The following SAMD9 variants were observed in gnomAD, a reference collection of about 807,000 sequenced individuals.
The protein encoded by SAMD9 is sterile alpha motif domain containing 9.
In SAMD9, 3 loss-of-function variants were observed where a neutral mutation model predicts 1.5. The observed-to-expected ratio is 2.05, with a 90% CI of 0.93 to 5.29. The LOEUF (loss-of-function observed/expected upper bound fraction) is 5.29, where lower values mean the gene tolerates loss of function less well. Among genes scored for constraint, SAMD9 ranks in the 30% most tolerant of loss-of-function variants. The pLI, the probability that SAMD9 is intolerant of heterozygous loss-of-function variation, is 0.02. For missense variants in SAMD9, 1,597 were observed against 1,820.8 expected (o/e 0.88, Z 2.24); for synonymous variants, 635 against 631.9 (o/e 1.00, Z -0.07).
At chr7:93,117,425 G>A (rs1463092679) in intron 1 of SAMD9, among the ~76,000 whole-genome samples, 2 of 151,984 alleles carry the variant, frequency 1.3e-5, no homozygotes, top group Middle Eastern at 3.4e-3. Flanking sequence ...CTGCAGCTGC[G>A]TGCCACCACA....
chr7:93,102,237 A>C lies in SAMD9; in HGVS notation c.3861T>G (p.Asn1287Lys). 6.2e-7 allele frequency: 1 copy of C among 1,613,702 alleles called. No individual in the cohort carries two copies. Among genetic ancestry groups the C allele is most frequent in the South Asian group, 1.1e-5 (1 of 91,072 alleles). ...LLKPRNNIKQ[N>K]EEAKTRRKVA... is the part of the protein sequence containing the mutation. ...CCTTTCTCCGAGTTTTGGCCTCTTC[A>C]TTTTGCTTAATATTGTTCCTGGGTT... The change falls in exon 3 of 3, where the codon AAT becomes AAG. Residue 1287 changes from asparagine to lysine, a missense_variant. By Grantham distance (94) the Asn-to-Lys change is moderately conservative (BLOSUM62 0). This residue lies in a region of SAMD9 where 682 missense variants were observed against 810.0 expected (regional missense o/e 0.84). Transcript: ENST00000379958.
chr7:93,102,699 C>T lies in SAMD9; in HGVS notation c.3399G>A (p.Trp1133Ter), dbSNP rs761188861. 3 of 1,613,904 alleles carry T rather than the reference C, an allele frequency of 1.9e-6. No homozygotes were observed. The highest frequency in any genetic ancestry group is 2.5e-6 in the Non-Finnish European group (3 of 1,179,800). ...LGQVYKSKIR[W>*]WIEENGGNGN... ...CGTTTCCTCCGTTTTCCTCTATCCA[C>T]CATCTTATTTTACTTTTGTAGACTT... Residue 1133 changes from tryptophan to a stop codon, truncating the protein, a stop_gained, in exon 3 of 3, where the codon TGG (tryptophan) becomes TGA (stop). Transcript: ENST00000379958. LOFTEE classifies it low-confidence loss of function (END_TRUNC).
intron 2 of SAMD9, among the ~76,000 whole-genome samples, chr7:93,111,491 C>T (rs907818942): frequency 2.0e-5 from 3 of 151,926 alleles, no homozygotes; most frequent in Non-Finnish European, 4.4e-5. Flanking sequence ...ACACAAAAAA[C>T]CCTTCAAAAA....
At chr7:93,106,478 T>C (rs1791648848) in intron 2 of SAMD9, among the ~76,000 whole-genome samples, 1 of 152,108 alleles carries the variant, frequency 6.6e-6, no homozygotes, top group South Asian at 2.1e-4. Context: ...TCAATTCTGC[T>C]ATAGAAAATA....
intron 2 of SAMD9, 109 bp from the exon 3 acceptor site, chr7:93,106,214 A>G (rs1471258615): frequency 3.2e-6 from 2 of 629,590 alleles, no homozygotes; most frequent in South Asian, 7.0e-5. Context: ...GCTCAAAAGG[A>G]TATGCCAATG....
rs762386627 is a variant in SAMD9 at position 93,103,838 on chromosome 7, G to A, written c.2260C>T (p.Leu754=). The A allele has an allele frequency of 2.2e-5, 35 of 1,613,788 alleles. No homozygotes were observed. Among genetic ancestry groups the A allele is most frequent in the Non-Finnish European group, 2.8e-5 (33 of 1,179,858 alleles). Residue 754 remains leucine, a synonymous_variant, in exon 3 of 3, where the codon CTA becomes TTA. Transcript: ENST00000379958. The stretch of plus-strand genomic sequence containing the variant: ...ACAGCACATCTGAATTTCTTCCTTA[G>A]TTCCCAGAGAATGTGCATAGCCAAG... ...TTLAMHILWE[L]RKKFRCAVLK...
chr7:93,102,480 G>A lies in SAMD9; in HGVS notation c.3618C>T (p.Tyr1206=). 6.2e-7 allele frequency: 1 copy of A among 1,613,690 alleles called. No individual in the cohort carries two copies. Among genetic ancestry groups the A allele is most frequent in the South Asian group, 1.1e-5 (1 of 91,072 alleles). The change falls in exon 3 of 3, where the codon TAC becomes TAT. Residue 1206 remains tyrosine, a synonymous_variant. Coordinates refer to ENST00000379958, the MANE Select transcript of SAMD9 (RefSeq NM_017654.4). ...GAATGAGCTGGAGAATTTGGATTGT[G>A]TAAAGCCCAACTTCTATCTCTCCTT... ...GYQGEIEVGL[Y]TIQILQLIPF...
Position 93,111,835 on chromosome 7 carries a change from A to G in SAMD9, c.-9+2960T>C, listed in dbSNP as rs574533859. 5.9e-5 allele frequency among the ~76,000 whole-genome samples: 9 copies of G among 152,304 alleles called. No individual in the cohort carries two copies. The South Asian group carries it at 1.9e-3, about 32-fold the overall frequency. On this transcript the variant is annotated intron_variant, in intron 2 of 2. Transcript: ENST00000379958. The stretch of plus-strand genomic sequence containing the variant: ...CAATTAATAGCCTACCAACCAAAAA[A>G]AGTCCAGGACCAGATGGATTCACAG...
chr7:93,101,437 G>A lies in SAMD9; in HGVS notation c.4661C>T (p.Thr1554Ile). The change falls in exon 3 of 3, where the codon ACT becomes ATT. Residue 1554 changes from threonine (T) to isoleucine (I), a missense_variant. Physicochemically the swap from Thr to Ile is moderately conservative, Grantham distance 89 (BLOSUM62 -1). This residue lies in a region of SAMD9 where 682 missense variants were observed against 810.0 expected (regional missense o/e 0.84). Coordinates refer to ENST00000379958, the MANE Select transcript of SAMD9 (RefSeq NM_017654.4). ...TCTAAGTTGACCTAAAAAAGCGGGA[G>A]TGATGGGTATTGTGATTTTTTCATT... is the stretch of plus-strand genomic sequence containing the variant. ...GINEKITIPI[T>I]PAFLGQLRSG... 2.5e-6 allele frequency: 4 copies of A among 1,613,720 alleles called. No homozygotes were observed. Among genetic ancestry groups the A allele is most frequent in the Non-Finnish European group, 3.4e-6 (4 of 1,179,662 alleles).
rs2116413889 is a variant in SAMD9 at position 93,102,354 on chromosome 7, T to A, written c.3744A>T (p.Leu1248Phe). Residue 1248 changes from leucine to phenylalanine, a missense_variant, in exon 3 of 3, where the codon TTA (leucine) becomes TTT (phenylalanine). Leu to Phe is a conservative substitution (Grantham distance 22). This residue lies in a region of SAMD9 where 682 missense variants were observed against 810.0 expected (regional missense o/e 0.84). Transcript: ENST00000379958. ...IPGDPNNEYK[L>F]ALKNYIPYLT... ...AATAAGGAATATAGTTTTTGAGGGC[T>A]AATTTATATTCATTGTTTGGATCCC... 1 of 1,608,374 alleles carries A rather than the reference T, an allele frequency of 6.2e-7. No individual in the cohort carries two copies. The highest frequency in any genetic ancestry group is 8.5e-7 in the Non-Finnish European group (1 of 1,175,328).
intron 2 of SAMD9, among the ~76,000 whole-genome samples, chr7:93,108,258 C>T (rs1000155477): frequency 2.0e-4 from 31 of 152,158 alleles, no homozygotes; most frequent in African/African-American, 2.9e-4. Context: ...TACCTTCAGC[C>T]GTCCTCCCTT....
chr7:93,112,484 A>C (rs546011171), intron 2 of SAMD9, among the ~76,000 whole-genome samples: 1 of 152,292 alleles, frequency 6.6e-6, no homozygotes, highest in African/African-American at 2.4e-5. Flanking sequence ...AGAAATAAAG[A>C]GTATTCAGTT....
Position 93,105,881 on chromosome 7 carries a change from C to T in SAMD9, c.217G>A (p.Glu73Lys). The change falls in exon 3 of 3, where the codon GAA becomes AAA. Residue 73 changes from glutamate to lysine, a missense_variant. Physicochemically the swap from Glu to Lys is moderately conservative, Grantham distance 56. This residue lies in a region of SAMD9 where 498 missense variants were observed against 457.4 expected (regional missense o/e 1.09). Transcript: ENST00000379958. ...TCTTCAATGGCTGTTTTCCGCAATT[C>T]TTTGAATAGTTCTTCTATTTGAATA... is the stretch of plus-strand genomic sequence containing the variant. ...PAIQIEELFK[E>K]LRKTAIEDSI... 1 of 1,614,078 alleles carries T rather than the reference C, an allele frequency of 6.2e-7. No individual in the cohort carries two copies. Among genetic ancestry groups the T allele is most frequent in the Non-Finnish European group, 8.5e-7 (1 of 1,179,992 alleles).
Position 93,102,834 on chromosome 7 carries a change from C to T in SAMD9, c.3264G>A (p.Leu1088=), listed in dbSNP as rs201655497. 16 of 1,613,776 alleles carry T rather than the reference C, an allele frequency of 9.9e-6. No homozygotes were observed. Among genetic ancestry groups the T allele is most frequent in the Non-Finnish European group, 1.4e-5 (16 of 1,179,786 alleles). The change falls in exon 3 of 3, where the codon TTG becomes TTA. Residue 1088 remains leucine, a synonymous_variant. Transcript: ENST00000379958. ...FNPNAFICQA[L]ARHFYIKKKD... ...TCTTTTTAATGTAGAAATGTCTTGCCAACGCTTGGCAAATGAATGCATTTG... is the reference window on the plus strand; with the variant it reads ...TCTTTTTAATGTAGAAATGTCTTGCTAACGCTTGGCAAATGAATGCATTTG...
In SAMD9 at chr7:93,105,139, T is replaced by C; in HGVS notation, c.959A>G (p.Tyr320Cys). Reference sequence around the variant, plus strand: ...GTAATTTTGCATTTTAATCTGGAAATAATCATATTGGCATTCAGAGAACTG... The same window carrying C: ...GTAATTTTGCATTTTAATCTGGAAACAATCATATTGGCATTCAGAGAACTG... ...IPQFSECQYD[Y>C]FQIKMQNYNN... The change falls in exon 3 of 3, where the codon TAT becomes TGT. Residue 320 changes from tyrosine (Y) to cysteine (C), a missense_variant. By Grantham distance (194) the Tyr-to-Cys change is radical. Transcript: ENST00000379958. The C allele has an allele frequency of 6.2e-7, 1 of 1,613,638 alleles. No homozygotes were observed. Among genetic ancestry groups the C allele is most frequent in the Non-Finnish European group, 8.5e-7 (1 of 1,179,770 alleles).
rs1355690640 is a variant in SAMD9, at chr7:93,104,578, G to C, written c.1520C>G (p.Pro507Arg). 5 of 1,613,854 alleles carry C rather than the reference G, an allele frequency of 3.1e-6. No individual in the cohort carries two copies. The highest frequency in any genetic ancestry group is 3.3e-5 in the Admixed American group (2 of 60,004). ...TCTTTGCCAGGAACTTGGATCAAAG[G>C]GTTTATATTTTTCACTGTCAAGGTC... ...RLDLDSEKYK[P>R]FDPSSWQRER... is the part of the protein sequence containing the mutation. The change falls in exon 3 of 3, where the codon CCC (proline) becomes CGC (arginine). Residue 507 changes from proline (P) to arginine (R), a missense_variant. Pro to Arg is a moderately radical substitution (Grantham distance 103). This residue lies in a region of SAMD9 where 358 missense variants were observed against 460.4 expected (regional missense o/e 0.78). Transcript: ENST00000379958.
chr7:93,110,236 C>A lies in SAMD9; in HGVS notation c.-8-4131G>T, dbSNP rs528545444. Among the ~76,000 whole-genome samples the A allele has an allele frequency of 5.3e-5, 8 of 152,208 alleles. No homozygotes were observed. In the East Asian group the frequency reaches 1.5e-3, roughly 29 times the overall value. ...TTCATAAGTGAAGGAGAAATAAAATCCTTTACAGACAAGCAAATGCCGAGA... is the reference window on the plus strand; with the variant it reads ...TTCATAAGTGAAGGAGAAATAAAATACTTTACAGACAAGCAAATGCCGAGA... On this transcript the variant is annotated intron_variant, in intron 2 of 2. Coordinates refer to ENST00000379958, the MANE Select transcript of SAMD9 (RefSeq NM_017654.4).
chr7:93,108,136 C>T (rs67885698), intron 2 of SAMD9, among the ~76,000 whole-genome samples: 29,831 of 152,116 alleles, frequency 0.2, 4,095 homozygotes, highest in African/African-American at 0.35. Context: ...GGGTGTGGCC[C>T]GCCGTGCCTT....
At chr7:93,110,201 C>A (rs935455463) in intron 2 of SAMD9, among the ~76,000 whole-genome samples, 6 of 152,106 alleles carry the variant, frequency 3.9e-5, no homozygotes, top group Admixed American at 2.0e-4. Flanking sequence ...CATATCCAGC[C>A]AAACTAAGCT....
Sources: gnomAD v4.1 joint callset for allele counts (sites outside exome capture counted in the v4.1 genomes callset) on GRCh38, gnomAD v4.1.1 for gene constraint, gnomAD v4.1.1 regional missense constraint, MANE v1.5 for transcripts, NCBI Gene and HGNC (gene_info 2026-07-23, HGNC 2026-07-21) for gene names.